CPXM1: variants seen among roughly 807,000 people sequenced by gnomAD.
The protein encoded by CPXM1 is carboxypeptidase X, M14 family member 1, also known as probable carboxypeptidase X1.
A neutral mutation model predicts 80.4 loss-of-function variants in CPXM1; 72 were observed. The observed-to-expected ratio is 0.90, with a 90% CI of 0.74 to 1.09. CPXM1 has a LOEUF of 1.09. Among genes scored for constraint, CPXM1 ranks in the 50% least tolerant of loss-of-function variants. The pLI, the probability that CPXM1 is intolerant of heterozygous loss-of-function variation, is 0.00. For synonymous variants in CPXM1, 403 were observed against 405.6 expected (o/e 0.99, Z 0.08); for missense variants, 892 against 999.4 (o/e 0.89, Z 1.45).
chr20:2,800,288 G>A (rs2088556603), intron 1 of CPXM1, 113 bp downstream of exon 1: 4 of 967,232 alleles, frequency 4.1e-6, no homozygotes, highest in Non-Finnish European at 5.7e-6. Flanking sequence ...GTGCATGACT[G>A]TGAGTGTGCG....
chr20:2,798,665 C>T, intron 2 of CPXM1, 61 bp downstream of exon 2: 4 of 1,574,176 alleles, frequency 2.5e-6, no homozygotes, highest in Middle Eastern at 4.0e-4. Context: ...AGGCCAAGAG[C>T]TGTGCTGGTA....
In CPXM1 at chr20:2,798,831, G is replaced by T. The variant is rs141183562; in HGVS notation, c.235C>A (p.Arg79=). The part of the protein sequence containing the change: ...IKKKKVIMKK[R]KKLTLTRPTP... ...GGGCGAGTTAGAGTTAGCTTCTTCC[G>T]CTTCTTCATAATGACCTTTTTCTTC... The change falls in exon 2 of 14, where the codon CGG becomes AGG. Residue 79 remains arginine (R), a synonymous_variant. Transcript: ENST00000380605. 6.8e-6 allele frequency: 11 copies of T among 1,613,904 alleles called. No individual in the cohort carries two copies. The highest frequency in any genetic ancestry group is 9.3e-6 in the Non-Finnish European group (11 of 1,179,976).
rs776365100 is a variant in CPXM1 at position 2,796,214 on chromosome 20, A to C, written c.1242+33T>G. ...GAGCAGGTCCAGCCACCAGGGCAGA[A>C]GGACAGAGTGGCCCTCATGCTGGGT... is the stretch of plus-strand genomic sequence containing the variant. On this transcript the variant is annotated intron_variant, in intron 9 of 13. Coordinates refer to ENST00000380605, the MANE Select transcript of CPXM1 (RefSeq NM_019609.5). The surrounding 1 kb of genome is among the most constrained non-coding windows in gnomAD (Gnocchi z 6.8). 6.8e-6 allele frequency: 11 copies of C among 1,610,460 alleles called. No homozygotes were observed. The highest frequency in any genetic ancestry group is 1.6e-4 in the Middle Eastern group (1 of 6,070).
chr20:2,794,147 C>T lies in CPXM1; in HGVS notation c.*43G>A, dbSNP rs770147602. 9.0e-6 allele frequency: 14 copies of T among 1,560,032 alleles called. No individual in the cohort carries two copies. The African/African-American group carries it at 1.9e-4, about 21-fold the overall frequency. On this transcript the variant is annotated 3_prime_UTR_variant, in exon 14 of 14. Coordinates refer to ENST00000380605, the MANE Select transcript of CPXM1 (RefSeq NM_019609.5). This position sits in a 1 kb window ranked among gnomAD's most constrained non-coding sequence, Gnocchi z 5.2. ...CCCTCTCTACTCTTCCCCTTCCCGT[C>T]TTGACAGGTCCAGCCTGCCCTAGGG...
intron 5 of CPXM1, 63 bp from the exon 6 acceptor site, chr20:2,797,405 G>A: frequency 7.0e-7 from 1 of 1,432,444 alleles, no homozygotes; most frequent in Non-Finnish European, 9.1e-7. Context: ...CAGGACCCAG[G>A]GAAGGAGCTC....
In CPXM1 at chr20:2,794,154, G is replaced by C. The variant is rs2088479537; in HGVS notation, c.*36C>G. Reference sequence around the variant, plus strand: ...TACTCTTCCCCTTCCCGTCTTGACAGGTCCAGCCTGCCCTAGGGCTCTTAA... The same window carrying C: ...TACTCTTCCCCTTCCCGTCTTGACACGTCCAGCCTGCCCTAGGGCTCTTAA... On this transcript the variant is annotated 3_prime_UTR_variant, in exon 14 of 14. Transcript: ENST00000380605. The surrounding 1 kb of genome is among the most constrained non-coding windows in gnomAD (Gnocchi z 5.2). The C allele has an allele frequency of 1.9e-6, 3 of 1,575,396 alleles. No homozygotes were observed. Among genetic ancestry groups the C allele is most frequent in the Non-Finnish European group, 2.6e-6 (3 of 1,160,684 alleles).
At position 2,798,546 on chromosome 20, in the gene CPXM1, G is replaced by A. The variant is rs779256909; in HGVS notation, c.341-9C>T. ...ACCCAAAGGAGGACAGCCTGGGGCG[G>A]GGATAGAACAGTGAGACAGGACCAG... On this transcript the variant is annotated splice_polypyrimidine_tract_variant and intron_variant, in intron 2 of 13. Coordinates refer to ENST00000380605, the MANE Select transcript of CPXM1 (RefSeq NM_019609.5). 6.2e-7 allele frequency: 1 copy of A among 1,611,360 alleles called. No individual in the cohort carries two copies.
chr20:2,799,496 G>C (rs1282255526), intron 1 of CPXM1, among the ~76,000 whole-genome samples: 2 of 152,154 alleles, frequency 1.3e-5, no homozygotes, highest in South Asian at 2.1e-4. Context: ...CTCTGCCCAG[G>C]CAGGTGCTGG....
chr20:2,796,185 A>T lies in CPXM1; in HGVS notation c.1243-24T>A. The T allele has an allele frequency of 6.2e-7, 1 of 1,608,146 alleles. No individual in the cohort carries two copies. ...CCCTGCCGGGCAAGAGGCTTGTTCA[A>T]GTCGAGCAGGTCCAGCCACCAGGGC... On this transcript the variant is annotated intron_variant, in intron 9 of 13. Coordinates refer to ENST00000380605, the MANE Select transcript of CPXM1 (RefSeq NM_019609.5). The surrounding 1 kb of genome is among the most constrained non-coding windows in gnomAD (Gnocchi z 6.8).
Position 2,798,754 on chromosome 20 carries a change from G to C in CPXM1, c.312C>G (p.Thr104=). ...TTTCTTGTTTCTCAGCGGGGTCGAG[G>C]GTCCCTGCTGGAGTGGGGGTCACAA... The part of the protein sequence containing the change: ...GPLVTPTPAG[T]LDPAEKQETG... Residue 104 remains threonine, a synonymous_variant, in exon 2 of 14, where the codon ACC becomes ACG. Transcript: ENST00000380605. The C allele has an allele frequency of 6.2e-7, 1 of 1,613,320 alleles. No individual in the cohort carries two copies. Among genetic ancestry groups the C allele is most frequent in the Non-Finnish European group, 8.5e-7 (1 of 1,179,780 alleles).
Position 2,800,394 on chromosome 20 carries a change from A to C in CPXM1, c.172+7T>G. On this transcript the variant is annotated splice_region_variant and intron_variant, in intron 1 of 13. Coordinates refer to ENST00000380605, the MANE Select transcript of CPXM1 (RefSeq NM_019609.5). Reference sequence around the variant, plus strand: ...CGGGGGAGCGGACCGTCGGTCGGGGAACTCACCGTTAGCTGTCTCCGCCGG... The same window carrying C: ...CGGGGGAGCGGACCGTCGGTCGGGGCACTCACCGTTAGCTGTCTCCGCCGG... 6.6e-7 allele frequency: 1 copy of C among 1,521,754 alleles called. No individual in the cohort carries two copies. Among genetic ancestry groups the C allele is most frequent in the Non-Finnish European group, 8.8e-7 (1 of 1,142,668 alleles). The allele number at this position is 1,521,754 out of a possible 1,614,324, so 94.3% of individuals were successfully genotyped here.
Position 2,794,731 on chromosome 20 carries a change from A to T in CPXM1, c.1861-92T>A, listed in dbSNP as rs992885612. The stretch of plus-strand genomic sequence containing the variant: ...CTGGCTCTGTTGCCCTGCAAACCTG[A>T]GCAAAGTGGTAGGTCTACTGTGTTC... On this transcript the variant is annotated intron_variant, in intron 12 of 13. Coordinates refer to ENST00000380605, the MANE Select transcript of CPXM1 (RefSeq NM_019609.5). This position sits in a 1 kb window ranked among gnomAD's most constrained non-coding sequence, Gnocchi z 5.2. 2.1e-6 allele frequency: 2 copies of T among 949,286 alleles called. No homozygotes were observed. Among genetic ancestry groups the T allele is most frequent in the African/African-American group, 1.6e-5 (1 of 62,240 alleles). 58.8% of individuals were successfully genotyped at this position (949,286 alleles called of 1,614,324 possible).
rs373422048 is a variant in CPXM1, at chr20:2,795,825, G to A, written c.1494C>T (p.His498=). ...RIPFVLSANL[H]GGELVVSYPF... ...GGTAGGACACCACGAGCTCACCCCC[G>A]TGGAGGTTGGCACTTAGCACAAAGG... The change falls in exon 11 of 14, where the codon CAC becomes CAT. Residue 498 remains histidine (H), a synonymous_variant. Transcript: ENST00000380605. This position sits in a 1 kb window ranked among gnomAD's most constrained non-coding sequence, Gnocchi z 5.4. 12 of 1,611,922 alleles carry A rather than the reference G, an allele frequency of 7.4e-6. No individual in the cohort carries two copies. Among genetic ancestry groups the A allele is most frequent in the East Asian group, 6.7e-5 (3 of 44,884 alleles).
intron 1 of CPXM1, 37 bp from the exon 2 acceptor site, chr20:2,798,930 G>A: frequency 6.3e-7 from 1 of 1,595,130 alleles, no homozygotes; most frequent in Non-Finnish European, 8.6e-7. Flanking sequence ...GGGAAAGGAA[G>A]AATGGTGAAA....
chr20:2,798,478 T>C lies in CPXM1; in HGVS notation c.400A>G (p.Ser134Gly), dbSNP rs552657097. Reference sequence around the variant, plus strand: ...GGTCCAAGACCAAAGGACTGGCTGCTGGATGCCTCAAGCCGGCTATCTGAA... The same window carrying C: ...GGTCCAAGACCAAAGGACTGGCTGCCGGATGCCTCAAGCCGGCTATCTGAA... ...RVSDSRLEAS[S>G]SQSFGLGPHR... is the part of the protein sequence containing the mutation. Residue 134 changes from serine (S) to glycine (G), a missense_variant, in exon 3 of 14, where the codon AGC (serine) becomes GGC (glycine). Transcript: ENST00000380605. The C allele has an allele frequency of 6.2e-7, 1 of 1,614,140 alleles. No individual in the cohort carries two copies. Among genetic ancestry groups the C allele is most frequent in the East Asian group, 2.2e-5 (1 of 44,884 alleles).
intron 1 of CPXM1, among the ~76,000 whole-genome samples, chr20:2,799,744 G>A (rs540572641): frequency 1.3e-5 from 2 of 152,226 alleles, no homozygotes; most frequent in South Asian, 4.1e-4. Flanking sequence ...TGGAAAGCTG[G>A]GAGGTCGGGC....
Position 2,794,283 on chromosome 20 carries a change from GGGA to G in CPXM1, c.2109_2111del (p.Pro704del). ...CCAGCAGCTCGCGCAGCCTCTGTTTGGGAGTCTTGGTGAGCACGAAATTGCAGG... is the reference window on the plus strand; with the variant it reads ...CCAGCAGCTCGCGCAGCCTCTGTTTGGTCTTGGTGAGCACGAAATTGCAGG... On this transcript the variant is annotated inframe_deletion, in exon 14 of 14. Transcript: ENST00000380605. The surrounding 1 kb of genome is among the most constrained non-coding windows in gnomAD (Gnocchi z 5.2). 6.2e-7 allele frequency: 1 copy of G among 1,614,112 alleles called. No homozygotes were observed. The highest frequency in any genetic ancestry group is 1.1e-5 in the South Asian group (1 of 91,078).
Position 2,796,247 on chromosome 20 carries a change from C to G in CPXM1, c.1242G>C (p.Arg414=). ...GTGGCCCTCATGCTGGGTGGCCTAC[C>G]CGGTGGTAGGCGATCTCATAGCCAT... ...NPDGYEIAYH[R]GSELVGWAEG... Residue 414 remains arginine (R), a splice_region_variant and synonymous_variant, in exon 9 of 14, where the codon CGG becomes CGC. Coordinates refer to ENST00000380605, the MANE Select transcript of CPXM1 (RefSeq NM_019609.5). The surrounding 1 kb of genome is among the most constrained non-coding windows in gnomAD (Gnocchi z 6.8). 2.5e-6 allele frequency: 4 copies of G among 1,613,362 alleles called. No homozygotes were observed. The highest frequency in any genetic ancestry group is 3.4e-6 in the Non-Finnish European group (4 of 1,179,628).
rs1600267624 is a variant in CPXM1 at position 2,797,355 on chromosome 20, A to C, written c.682-13T>G. On this transcript the variant is annotated splice_polypyrimidine_tract_variant and intron_variant, in intron 5 of 13. Transcript: ENST00000380605. ...TGGCAGGAAATACCTGGGGGCAGCA[A>C]GTTCTCTGTTGTGGCTGCTCAAACC... 3 of 1,471,308 alleles carry C rather than the reference A, an allele frequency of 2.0e-6. No individual in the cohort carries two copies. In the East Asian group the frequency reaches 7.2e-5, roughly 35 times the overall value. 91.1% of individuals were successfully genotyped at this position (1,471,308 alleles called of 1,614,324 possible).
Sources: allele counts gnomAD v4.1 joint callset (sites outside exome capture counted in the v4.1 genomes callset), GRCh38; gene constraint gnomAD v4.1.1; non-coding constraint Gnocchi (gnomAD v3.1); transcripts MANE v1.5; gene names NCBI Gene and HGNC (gene_info 2026-07-23, HGNC 2026-07-21).